GRID2: variants seen among roughly 807,000 people sequenced by gnomAD.
The protein encoded by GRID2 is glutamate receptor ionotropic, delta-2.
Under a neutral mutation model 114.8 loss-of-function variants are expected in GRID2, and 33 were observed. The observed-to-expected ratio is 0.29, with a 90% CI of 0.22 to 0.38. The LOEUF is 0.38. GRID2 is among the 10% of genes least tolerant of loss of function. The pLI is 1.00. For synonymous variants in GRID2, 505 were observed against 449.9 expected (o/e 1.12, Z -1.55); for missense variants, 1,184 against 1,257.7 (o/e 0.94, Z 0.89).
intron 2 of GRID2, among the ~76,000 whole-genome samples, chr4:92,728,897 C>A (rs959081241): frequency 1.2e-4 from 18 of 151,992 alleles, no homozygotes; most frequent in African/African-American, 4.1e-4. Flanking sequence ...CACCTTAAGT[C>A]CTTTGAGACA....
At chr4:93,146,101 G>T (rs1460510842) in intron 4 of GRID2, among the ~76,000 whole-genome samples, 1 of 151,954 alleles carries the variant, frequency 6.6e-6, no homozygotes, top group African/African-American at 2.4e-5. Context: ...CTCAGCTCCA[G>T]GAATAGTATG....
rs567041328 is a variant in GRID2 at position 93,322,755 on chromosome 4, G to A, written c.1246-72852G>A. On this transcript the variant is annotated intron_variant, in intron 8 of 15. Coordinates refer to ENST00000282020, the MANE Select transcript of GRID2 (RefSeq NM_001510.4). ...TGGCCATTCTAACTGGTGTGAGATGGTATCTCATTGTGGTTTTGATTTGCA... is the reference window on the plus strand; with the variant it reads ...TGGCCATTCTAACTGGTGTGAGATGATATCTCATTGTGGTTTTGATTTGCA... 3.0e-3 allele frequency among the ~76,000 whole-genome samples: 459 copies of A among 152,232 alleles called. 4 individuals are homozygous for A. Among genetic ancestry groups the A allele is most frequent in the African/African-American group, 0.01 (426 of 41,536 alleles).
intron 4 of GRID2, among the ~76,000 whole-genome samples, chr4:93,112,502 C>A (rs1732866899): frequency 1.3e-5 from 2 of 152,090 alleles, no homozygotes; most frequent in Non-Finnish European, 2.9e-5. Context: ...TCTCCTGCCT[C>A]CTTGTGAAGA....
intron 2 of GRID2, among the ~76,000 whole-genome samples, chr4:92,983,371 C>T (rs1197668918): frequency 6.6e-6 from 1 of 151,936 alleles, no homozygotes; most frequent in East Asian, 1.9e-4. Context: ...TACCTAAGCC[C>T]ATTCACAAGA....
chr4:93,086,481 G>A (rs1730335772), intron 3 of GRID2, among the ~76,000 whole-genome samples: 1 of 152,130 alleles, frequency 6.6e-6, no homozygotes, highest in African/African-American at 2.4e-5. Context: ...CTCTCAGGGA[G>A]GGAGAGCAAG....
chr4:92,705,701 C>T (rs749304288), intron 2 of GRID2, among the ~76,000 whole-genome samples: 2 of 152,198 alleles, frequency 1.3e-5, no homozygotes, highest in Admixed American at 1.3e-4. Context: ...TCAGCTATTA[C>T]ATTTTCAATC....
At chr4:92,991,041 T>C (rs916688089) in intron 2 of GRID2, among the ~76,000 whole-genome samples, 3 of 151,676 alleles carry the variant, frequency 2.0e-5, no homozygotes, top group Non-Finnish European at 4.4e-5. Context: ...CACTAAACTC[T>C]TTATATATTT....
In GRID2 at chr4:92,735,493, G is replaced by T. The variant is rs1736548927; in HGVS notation, c.244+145207G>T. ...TGGTTGACAGCAGGTGACTGAAACT[G>T]TGAAAAACAAAACTGCAGATGGGAT... On this transcript the variant is annotated intron_variant, in intron 2 of 15. Transcript: ENST00000282020. Among the ~76,000 whole-genome samples the T allele has an allele frequency of 3.3e-5, 5 of 152,178 alleles. No homozygotes were observed. The South Asian group carries it at 1.0e-3, about 32-fold the overall frequency.
At chr4:93,270,626 TGTTTTG>T (rs1174807207) in intron 8 of GRID2, among the ~76,000 whole-genome samples, 1 of 151,946 alleles carries the variant, frequency 6.6e-6, no homozygotes, top group African/African-American at 2.4e-5. Context: ...TTTTTGTTTT[TGTTTTG>T]TTTTGTTTTT....
Position 92,729,341 on chromosome 4 carries a change from A to G in GRID2, c.244+139055A>G, listed in dbSNP as rs184197846. Among the ~76,000 whole-genome samples, 390 of 152,178 alleles carry G rather than the reference A, an allele frequency of 2.6e-3. 3 individuals are homozygous for G. Among genetic ancestry groups the G allele is most frequent in the African/African-American group, 8.9e-3 (370 of 41,544 alleles). ...GAGCAAAGTGCTAAATATAATATATACCCAATATAACTATATTGGCAATAG... is the reference window on the plus strand; with the variant it reads ...GAGCAAAGTGCTAAATATAATATATGCCCAATATAACTATATTGGCAATAG... On this transcript the variant is annotated intron_variant, in intron 2 of 15. Transcript: ENST00000282020.
chr4:93,540,502 A>C (rs199769217), intron 13 of GRID2, among the ~76,000 whole-genome samples: 1 of 152,200 alleles, frequency 6.6e-6, no homozygotes, highest in Non-Finnish European at 1.5e-5. Context: ...AGAGAAAAGC[A>C]TACCCCAAGT....
intron 8 of GRID2, among the ~76,000 whole-genome samples, chr4:93,246,452 T>C (rs1382530119): frequency 9.2e-5 from 14 of 151,824 alleles, no homozygotes; most frequent in Non-Finnish European, 7.4e-5. Context: ...CTGGGTGTGG[T>C]GGCGGGCACC....
chr4:92,652,917 AATAC>A (rs1446011026), intron 2 of GRID2, among the ~76,000 whole-genome samples: 16 of 131,204 alleles, frequency 1.2e-4, no homozygotes, highest in African/African-American at 4.2e-4. Context: ...TATATTTATA[AATAC>A]ATATAAATAT....
chr4:92,498,606 T>C (rs945623433), intron 1 of GRID2, among the ~76,000 whole-genome samples: 3 of 151,892 alleles, frequency 2.0e-5, no homozygotes, highest in Non-Finnish European at 4.4e-5. Context: ...AAAATTAACT[T>C]TCTTAATGAA....
At chr4:93,005,810 C>T (rs749417077) in intron 2 of GRID2, among the ~76,000 whole-genome samples, 1 of 151,990 alleles carries the variant, frequency 6.6e-6, no homozygotes, top group African/African-American at 2.4e-5. Context: ...GCACGTTGTA[C>T]GTTTCTTTTT....
At chr4:93,368,351 A>G (rs764352093) in intron 8 of GRID2, among the ~76,000 whole-genome samples, 1 of 152,166 alleles carries the variant, frequency 6.6e-6, no homozygotes, top group African/African-American at 2.4e-5. Flanking sequence ...ACTATGTTAC[A>G]TTCTTAAGTT....
intron 11 of GRID2, among the ~76,000 whole-genome samples, chr4:93,456,769 AACT>A (rs1560638880): frequency 6.6e-6 from 1 of 152,190 alleles, no homozygotes. Flanking sequence ...TAATATTTAC[AACT>A]CTCAATAACA....
intron 13 of GRID2, among the ~76,000 whole-genome samples, chr4:93,525,998 T>C (rs1387689206): frequency 6.6e-6 from 1 of 152,218 alleles, no homozygotes; most frequent in African/African-American, 2.4e-5. Context: ...AAAATGCATA[T>C]ATATTTTTTA....
At chr4:92,652,406 T>C (rs1731987312) in intron 2 of GRID2, among the ~76,000 whole-genome samples, 1 of 151,898 alleles carries the variant, frequency 6.6e-6, no homozygotes, top group Admixed American at 6.6e-5. Context: ...CCAAGCACGA[T>C]GGCTCATATA....
Sources: allele counts gnomAD v4.1 joint callset (sites outside exome capture counted in the v4.1 genomes callset), GRCh38; gene constraint gnomAD v4.1.1; transcripts MANE v1.5; gene names NCBI Gene and HGNC (gene_info 2026-07-23, HGNC 2026-07-21).